The following TXK variants were observed in gnomAD, a reference collection of about 807,000 sequenced individuals.
TXK encodes the protein TXK tyrosine kinase.
A neutral mutation model predicts 81.0 loss-of-function variants in TXK; 60 were observed. The observed-to-expected ratio is 0.74, with a 90% confidence interval of 0.60 to 0.92. The LOEUF (loss-of-function observed/expected upper bound fraction) is 0.92. Among genes scored for constraint, TXK ranks in the 40% least tolerant of loss-of-function variants. The pLI is 0.00. For missense variants in TXK, 581 were observed against 638.3 expected (o/e 0.91, Z 0.97); for synonymous variants, 203 against 210.7 (o/e 0.96, Z 0.32).
chr4:48,075,561 G>A (rs1276014737), intron 12 of TXK, among the ~76,000 whole-genome samples: 1 of 152,064 alleles, frequency 6.6e-6, no homozygotes, highest in Non-Finnish European at 1.5e-5. Context: ...GAGGCAGGAG[G>A]ATAGCTTGAG....
In TXK at chr4:48,095,212, C is replaced by T. The variant is rs770449963; in HGVS notation, c.512G>A (p.Gly171Asp). 3 of 1,613,080 alleles carry T rather than the reference C, an allele frequency of 1.9e-6. No homozygotes were observed. Among genetic ancestry groups the T allele is most frequent in the Non-Finnish European group, 1.7e-6 (2 of 1,179,406 alleles). The change falls in exon 7 of 15, where the codon GGT (glycine) becomes GAT (aspartate). Residue 171 changes from glycine to aspartate, a missense_variant. Gly to Asp is a moderately conservative substitution (Grantham distance 94). Coordinates refer to ENST00000264316, the MANE Select transcript of TXK (RefSeq NM_003328.3). ...TCTTGAATCTCTGACAATAAATGCA[C>T]CTTCTTTAGACTGCAAAAAAAATCA... is the stretch of plus-strand genomic sequence containing the variant. Reference protein sequence around the residue: ...EHLLRQESKEGAFIVRDSRHL... With the variant: ...EHLLRQESKEDAFIVRDSRHL...
chr4:48,112,598 G>C, intron 3 of TXK, 86 bp from the exon 4 acceptor site: 1 of 1,384,064 alleles, frequency 7.2e-7, no homozygotes, highest in South Asian at 1.5e-5. Flanking sequence ...TTTGCCTTCT[G>C]CCTCACTTTT....
chr4:48,096,923 C>T (rs966581408), intron 6 of TXK, among the ~76,000 whole-genome samples: 1 of 152,152 alleles, frequency 6.6e-6, no homozygotes, highest in African/African-American at 2.4e-5. Context: ...AGCACCTCTG[C>T]TATGCAGTTC....
intron 11 of TXK, among the ~76,000 whole-genome samples, chr4:48,077,253 G>C (rs558506647): frequency 1.7e-5 from 2 of 117,060 alleles, no homozygotes; most frequent in African/African-American, 6.2e-5. Flanking sequence ...TCATTGATTT[G>C]ATTATTTAGC....
chr4:48,112,975 T>C (rs923505490), intron 3 of TXK, among the ~76,000 whole-genome samples: 1 of 152,130 alleles, frequency 6.6e-6, no homozygotes, highest in Non-Finnish European at 1.5e-5. Flanking sequence ...ATATGTTTTT[T>C]CCCACTCATT....
chr4:48,069,347 A>G (rs1478307085), intron 14 of TXK, among the ~76,000 whole-genome samples: 1 of 115,360 alleles, frequency 8.7e-6, no homozygotes, highest in Admixed American at 8.4e-5. Context: ...TTTTTTTTTG[A>G]GACAGTCTGG....
intron 1 of TXK, among the ~76,000 whole-genome samples, chr4:48,119,487 C>T (rs894611334): frequency 6.6e-6 from 1 of 152,166 alleles, no homozygotes; most frequent in East Asian, 1.9e-4. Flanking sequence ...CAAGGACTCA[C>T]CTTTGCACCC....
At chr4:48,076,943 A>C (rs1020320009) in intron 11 of TXK, among the ~76,000 whole-genome samples, 3 of 152,184 alleles carry the variant, frequency 2.0e-5, no homozygotes, top group Admixed American at 6.5e-5. Flanking sequence ...CTCAGGATTA[A>C]TTCAATCTGA....
At chr4:48,126,131 G>A (rs984885261) in intron 1 of TXK, among the ~76,000 whole-genome samples, 2 of 151,064 alleles carry the variant, frequency 1.3e-5, no homozygotes, top group African/African-American at 4.9e-5. Flanking sequence ...GAAAAACATG[G>A]TATAAACATT....
chr4:48,101,405 C>T (rs1718188654), intron 6 of TXK, among the ~76,000 whole-genome samples: 1 of 152,086 alleles, frequency 6.6e-6, no homozygotes, highest in Non-Finnish European at 1.5e-5. Context: ...AGCCCCATCC[C>T]TTAACTCATT....
rs1239273781 is a variant in TXK at position 48,113,216 on chromosome 4, A to T, written c.165T>A (p.Asn55Lys). 2 of 1,612,262 alleles carry T rather than the reference A, an allele frequency of 1.2e-6. No homozygotes were observed. The highest frequency in any genetic ancestry group is 3.3e-5 in the Admixed American group (2 of 59,940). Residue 55 changes from asparagine to lysine, a missense_variant, in exon 3 of 15, where the codon AAT becomes AAA. By Grantham distance (94) the Asn-to-Lys change is moderately conservative (BLOSUM62 0). Transcript: ENST00000264316. The part of the protein sequence containing the change: ...RRRPWLSQLS[N>K]KKQSNTGRVQ... ...TCAAAATGATACTTACTTGCTTCTT[A>T]TTTGACAATTGGCTGAGCCACGGCC...
At chr4:48,126,256 T>C (rs1719088017) in intron 1 of TXK, among the ~76,000 whole-genome samples, 1 of 152,258 alleles carries the variant, frequency 6.6e-6, no homozygotes. Flanking sequence ...AAGGCATTTA[T>C]CATGAGCCAC....
chr4:48,131,314 A>G (rs886145400), intron 1 of TXK, among the ~76,000 whole-genome samples: 1 of 140,334 alleles, frequency 7.1e-6, no homozygotes, highest in Non-Finnish European at 1.5e-5. Context: ...ACAAACATAT[A>G]AACTTTTTTT....
chr4:48,073,646 G>A (rs1453573380), intron 13 of TXK, among the ~76,000 whole-genome samples: 1 of 152,176 alleles, frequency 6.6e-6, no homozygotes, highest in Non-Finnish European at 1.5e-5. Flanking sequence ...CCTCTGCGGA[G>A]TGGAAAACTT....
intron 8 of TXK, among the ~76,000 whole-genome samples, chr4:48,092,883 T>C (rs1304063358): frequency 2.6e-5 from 4 of 152,172 alleles, no homozygotes; most frequent in Non-Finnish European, 5.9e-5. Context: ...GACAGGGGAT[T>C]TGCTAATAAG....
chr4:48,129,697 T>C (rs1719191720), intron 1 of TXK, among the ~76,000 whole-genome samples: 1 of 152,156 alleles, frequency 6.6e-6, no homozygotes, highest in South Asian at 2.1e-4. Context: ...ACCCAAACCC[T>C]TGTTTGGTCT....
chr4:48,073,961 C>T lies in TXK; in HGVS notation c.1331G>A (p.Ser444Asn). The T allele has an allele frequency of 6.2e-7, 1 of 1,612,144 alleles. No homozygotes were observed. The highest frequency in any genetic ancestry group is 8.5e-7 in the Non-Finnish European group (1 of 1,178,326). The change falls in exon 13 of 15, where the codon AGC becomes AAC. Residue 444 changes from serine to asparagine, a missense_variant. Coordinates refer to ENST00000264316, the MANE Select transcript of TXK (RefSeq NM_003328.3). ...PPEVFLFNKYSSKSDVWSFGV... is the reference protein window; with the variant it reads ...PPEVFLFNKYNSKSDVWSFGV... Reference sequence around the variant, plus strand: ...AAATGACCAGACATCAGATTTACTGCTGTACTTATTGAAAAGAAAAACTTC... The same window carrying T: ...AAATGACCAGACATCAGATTTACTGTTGTACTTATTGAAAAGAAAAACTTC...
chr4:48,113,475 A>T (rs900269528), intron 2 of TXK, among the ~76,000 whole-genome samples, 166 bp from the exon 3 acceptor site: 2 of 152,200 alleles, frequency 1.3e-5, no homozygotes, highest in Admixed American at 1.3e-4. Context: ...TACTGGTTTT[A>T]AGAACTTAAG....
At chr4:48,115,569 A>C (rs1250547024) in intron 1 of TXK, among the ~76,000 whole-genome samples, 1 of 152,172 alleles carries the variant, frequency 6.6e-6, no homozygotes, top group Non-Finnish European at 1.5e-5. Flanking sequence ...TAAATAAGCC[A>C]AGGGTGGTGG....
Sources: gnomAD v4.1 joint callset for allele counts (sites outside exome capture counted in the v4.1 genomes callset) on GRCh38, gnomAD v4.1.1 for gene constraint, MANE v1.5 for transcripts, NCBI Gene and HGNC (gene_info 2026-07-23, HGNC 2026-07-21) for gene names.